LOC128092253: variants seen among roughly 807,000 people sequenced by gnomAD.
the LOC128092253 span, among the ~76,000 whole-genome samples, chr6:133,964,339 A>C: frequency 9.2e-5 from 14 of 152,176 alleles, no homozygotes; most frequent in Non-Finnish European, 1.8e-4. Flanking sequence ...ACATGTGGAA[A>C]GAGTGTTCAT....
the LOC128092253 span, among the ~76,000 whole-genome samples, chr6:133,960,559 C>A: frequency 6.6e-6 from 1 of 152,014 alleles, no homozygotes; most frequent in Admixed American, 6.5e-5. Flanking sequence ...AGAATGCATG[C>A]CTCTTGATTT....
At chr6:133,973,290 T>C in the LOC128092253 span, among the ~76,000 whole-genome samples, 2 of 152,212 alleles carry the variant, frequency 1.3e-5, no homozygotes, top group Non-Finnish European at 2.9e-5. Context: ...CTCCCCTGCT[T>C]CTGCCATTTC....
chr6:133,976,972 A>C, the LOC128092253 span, among the ~76,000 whole-genome samples: 1 of 149,346 alleles, frequency 6.7e-6, no homozygotes, highest in Non-Finnish European at 1.5e-5. Flanking sequence ...GGTCTCAAAA[A>C]AAAAAAAAAA....
the LOC128092253 span, among the ~76,000 whole-genome samples, chr6:133,967,944 G>A: frequency 1.3e-5 from 2 of 152,012 alleles, no homozygotes; most frequent in African/African-American, 2.4e-5. Context: ...TAGAGCCTAG[G>A]ACCATGTGCT....
At chr6:133,971,746 C>T in the LOC128092253 span, among the ~76,000 whole-genome samples, 2 of 152,020 alleles carry the variant, frequency 1.3e-5, no homozygotes, top group South Asian at 4.2e-4. Context: ...TGAGAAGTGT[C>T]TGTTAAGGTG....
chr6:133,963,598 T>G, the LOC128092253 span, among the ~76,000 whole-genome samples: 1 of 152,154 alleles, frequency 6.6e-6, no homozygotes, highest in Non-Finnish European at 1.5e-5. Flanking sequence ...TTTTTGTATT[T>G]TTTTGTCGAG....
chr6:133,970,978 A>G, the LOC128092253 span, among the ~76,000 whole-genome samples: 2 of 152,232 alleles, frequency 1.3e-5, no homozygotes, highest in South Asian at 4.1e-4. Flanking sequence ...TAGCTATTTT[A>G]TGATATACTT....
At chr6:133,974,607 G>T in the LOC128092253 span, among the ~76,000 whole-genome samples, 17 of 152,350 alleles carry the variant, frequency 1.1e-4, no homozygotes, top group Non-Finnish European at 1.9e-4. Context: ...GATTATAGGC[G>T]TAAGCCACCG....
chr6:133,968,280 T>C, the LOC128092253 span, among the ~76,000 whole-genome samples: 3 of 152,162 alleles, frequency 2.0e-5, no homozygotes, highest in Non-Finnish European at 2.9e-5. Flanking sequence ...GAAAATGACA[T>C]GCTATCTTCC....
chr6:133,975,141 T>G, the LOC128092253 span, among the ~76,000 whole-genome samples: 1 of 152,124 alleles, frequency 6.6e-6, no homozygotes, highest in Non-Finnish European at 1.5e-5. Context: ...TACTGATAGT[T>G]TGTTCTGAGA....
At chr6:133,960,206 C>A in the LOC128092253 span, among the ~76,000 whole-genome samples, 2 of 152,260 alleles carry the variant, frequency 1.3e-5, no homozygotes, top group African/African-American at 2.4e-5. Context: ...CACAGACAAC[C>A]ATATTGAAGG....
At chr6:133,968,456 A>G in the LOC128092253 span, among the ~76,000 whole-genome samples, 1 of 152,192 alleles carries the variant, frequency 6.6e-6, no homozygotes, top group Non-Finnish European at 1.5e-5. Flanking sequence ...TCCTTTATCC[A>G]CAATAGTATA....
chr6:133,966,929 A>G, the LOC128092253 span, among the ~76,000 whole-genome samples: 1 of 152,166 alleles, frequency 6.6e-6, no homozygotes, highest in African/African-American at 2.4e-5. Context: ...ATACATTTTT[A>G]TAATGCAAAT....
the LOC128092253 span, among the ~76,000 whole-genome samples, chr6:133,964,681 C>T: frequency 1.3e-4 from 20 of 152,048 alleles, no homozygotes; most frequent in African/African-American, 4.3e-4. Flanking sequence ...ATCTCCTGAC[C>T]TCGTGATCCA....
chr6:133,972,979 C>T, the LOC128092253 span, among the ~76,000 whole-genome samples: 1 of 152,138 alleles, frequency 6.6e-6, no homozygotes, highest in African/African-American at 2.4e-5. Context: ...TAAATGGGAA[C>T]ACTAGGTCAG....
At chr6:133,964,302 T>TA in the LOC128092253 span, among the ~76,000 whole-genome samples, 1 of 152,192 alleles carries the variant, frequency 6.6e-6, no homozygotes, top group Non-Finnish European at 1.5e-5. Context: ...AAGCTCTGAG[T>TA]AAAATAAGAA....
the LOC128092253 span, chr6:133,979,992 A>T: frequency 1.0e-6 from 1 of 982,628 alleles, no homozygotes; most frequent in African/African-American, 1.7e-5. Flanking sequence ...TAAATAATAT[A>T]GATTCATTTT....
At chr6:133,976,925 G>T in the LOC128092253 span, among the ~76,000 whole-genome samples, 5 of 148,706 alleles carry the variant, frequency 3.4e-5, no homozygotes, top group Non-Finnish European at 5.9e-5. Flanking sequence ...CCAAGATCGC[G>T]TCACAGCCCT....
the LOC128092253 span, among the ~76,000 whole-genome samples, chr6:133,975,799 G>A: frequency 6.6e-6 from 1 of 152,178 alleles, no homozygotes; most frequent in Non-Finnish European, 1.5e-5. Flanking sequence ...AAGGTGAGGA[G>A]GATGTGATTT....
Sources: allele counts gnomAD v4.1 joint callset (sites outside exome capture counted in the v4.1 genomes callset), GRCh38; gene constraint gnomAD v4.1.1; transcripts MANE v1.5.